The following CDH12 variants were observed in gnomAD, a reference collection of about 807,000 sequenced individuals.
CDH12 encodes cadherin 12, also known as cadherin-12.
In CDH12, 41 loss-of-function variants were observed where a neutral mutation model predicts 74.1. That is an observed-to-expected ratio of 0.55 (90% CI 0.43 to 0.72). CDH12 has a LOEUF of 0.72. Among genes scored for constraint, CDH12 ranks in the 30% least tolerant of loss-of-function variants. The pLI is 0.00. For synonymous variants in CDH12, 399 were observed against 355.0 expected (o/e 1.12, Z -1.39); for missense variants, 945 against 977.2 (o/e 0.97, Z 0.44).
At chr5:21,770,458 T>C (rs1391782638) in intron 11 of CDH12, among the ~76,000 whole-genome samples, 1 of 151,894 alleles carries the variant, frequency 6.6e-6, no homozygotes, top group Non-Finnish European at 1.5e-5. Flanking sequence ...ACCCCATCTC[T>C]ACTAGAAATA....
chr5:22,539,270 T>C (rs934482791), intron 1 of CDH12, among the ~76,000 whole-genome samples: 1 of 152,332 alleles, frequency 6.6e-6, no homozygotes, highest in African/African-American at 2.4e-5. Flanking sequence ...GGAGTCTTTC[T>C]TGACTGTACA....
chr5:21,876,881 C>A (rs190329108), intron 6 of CDH12, among the ~76,000 whole-genome samples: 90 of 152,294 alleles, frequency 5.9e-4, no homozygotes, highest in Non-Finnish European at 1.6e-4. Context: ...GCCCTTTATA[C>A]ATGCTGTTGT....
intron 2 of CDH12, among the ~76,000 whole-genome samples, chr5:22,425,158 T>TATATATATAAAAAA (rs374424944): frequency 6.8e-4 from 90 of 132,436 alleles, no homozygotes; most frequent in Non-Finnish European, 1.1e-3. Context: ...TGTGTGTATA[T>TATATATATAAAAAA]ATATATATAT....
chr5:22,207,211 T>G (rs1358038830), intron 4 of CDH12, among the ~76,000 whole-genome samples: 4 of 124,652 alleles, frequency 3.2e-5, no homozygotes, highest in African/African-American at 6.3e-5. Flanking sequence ...AGAGCAAGAC[T>G]GTCTCAAAAA....
intron 1 of CDH12, among the ~76,000 whole-genome samples, chr5:22,585,138 T>C (rs1740318547): frequency 6.6e-6 from 1 of 152,232 alleles, no homozygotes; most frequent in Non-Finnish European, 1.5e-5. Context: ...TTGTTTTTTC[T>C]GAAAGTAACG....
intron 1 of CDH12, among the ~76,000 whole-genome samples, chr5:22,603,221 C>A: frequency 6.6e-6 from 1 of 151,576 alleles, no homozygotes. Flanking sequence ...ATGGGGTAAT[C>A]AACAAAACAG....
At chr5:22,709,427 A>G (rs937963401) in intron 1 of CDH12, among the ~76,000 whole-genome samples, 1 of 152,052 alleles carries the variant, frequency 6.6e-6, no homozygotes, top group African/African-American at 2.4e-5. Context: ...AGATTTAACA[A>G]CTCATCTGTC....
chr5:22,306,019 C>T (rs1738090543), intron 3 of CDH12, among the ~76,000 whole-genome samples: 1 of 152,058 alleles, frequency 6.6e-6, no homozygotes, highest in Admixed American at 6.6e-5. Context: ...CTTTAAACAC[C>T]TGCTCATCTA....
At chr5:21,835,367 G>GTA (rs111979736) in intron 8 of CDH12, among the ~76,000 whole-genome samples, 2,817 of 148,858 alleles carry the variant, frequency 0.019, 78 homozygotes, top group African/African-American at 0.063. Flanking sequence ...GTATGTGTGT[G>GTA]TATATATATA....
Position 21,761,355 on chromosome 5 carries a change from T to C in CDH12, c.1516-680A>G, listed in dbSNP as rs549112567. On this transcript the variant is annotated intron_variant, in intron 12 of 14. Transcript: ENST00000382254. ...GGAGAATAAAAATAACTTCTGAGAA[T>C]CAACCTGTGAAATTTACAATCCATT... Among the ~76,000 whole-genome samples, 6 of 152,238 alleles carry C rather than the reference T, an allele frequency of 3.9e-5. No individual in the cohort carries two copies. The South Asian group carries it at 1.2e-3, about 32-fold the overall frequency.
At chr5:22,308,494 G>A (rs1323541991) in intron 3 of CDH12, among the ~76,000 whole-genome samples, 1 of 152,074 alleles carries the variant, frequency 6.6e-6, no homozygotes, top group African/African-American at 2.4e-5. Flanking sequence ...CCTCAAGAAT[G>A]AGCATGAGAT....
At chr5:22,463,666 G>C (rs893643905) in intron 2 of CDH12, among the ~76,000 whole-genome samples, 3 of 151,942 alleles carry the variant, frequency 2.0e-5, no homozygotes, top group African/African-American at 7.2e-5. Flanking sequence ...AATATTTAAC[G>C]TTTTTAAACT....
intron 10 of CDH12, among the ~76,000 whole-genome samples, chr5:21,800,732 G>T (rs1747065327): frequency 6.6e-6 from 1 of 152,084 alleles, no homozygotes; most frequent in Non-Finnish European, 1.5e-5. Flanking sequence ...TTGAAGGAGG[G>T]TCCTTGTGGG....
At chr5:22,006,193 T>A (rs1376800213) in intron 5 of CDH12, among the ~76,000 whole-genome samples, 1 of 152,080 alleles carries the variant, frequency 6.6e-6, no homozygotes, top group Non-Finnish European at 1.5e-5. Flanking sequence ...TTTAATTTTT[T>A]TTTTAATATA....
chr5:21,775,044 C>A (rs1745511735), intron 11 of CDH12, among the ~76,000 whole-genome samples: 1 of 152,100 alleles, frequency 6.6e-6, no homozygotes, highest in African/African-American at 2.4e-5. Context: ...AAGAATCTTC[C>A]CTTTAGGAAA....
intron 6 of CDH12, among the ~76,000 whole-genome samples, chr5:21,928,987 C>A (rs994238919): frequency 1.3e-5 from 2 of 151,934 alleles, no homozygotes; most frequent in Admixed American, 1.3e-4. Context: ...GACCATCATA[C>A]AAGACCACCC....
In CDH12 at chr5:22,349,623, CCAAT is replaced by C. The variant is rs564474831; in HGVS notation, c.-333+55630_-333+55633del. On this transcript the variant is annotated intron_variant, in intron 3 of 14. Transcript: ENST00000382254. ...TGTATTCTTTATGTCACACTTCCAA[CCAAT>C]CAATCAATCTTAAGATTGTTTGCTC... Among the ~76,000 whole-genome samples the C allele has an allele frequency of 2.6e-3, 397 of 152,324 alleles. 2 individuals are homozygous for C. The highest frequency in any genetic ancestry group is 8.4e-3 in the African/African-American group (351 of 41,574).
chr5:22,100,463 C>A (rs1475260867), intron 4 of CDH12, among the ~76,000 whole-genome samples: 3 of 152,088 alleles, frequency 2.0e-5, no homozygotes, highest in African/African-American at 7.2e-5. Flanking sequence ...CTGGCAAAAA[C>A]AAGATCACAC....
In CDH12 at chr5:22,480,759, C is replaced by T. The variant is rs187983403; in HGVS notation, c.-428+24511G>A. On this transcript the variant is annotated intron_variant, in intron 2 of 14. Coordinates refer to ENST00000382254, the MANE Select transcript of CDH12 (RefSeq NM_004061.5). ...CCATAGTTTTTTCCATTGCAAATGC[C>T]CAGGTGTCAGGCTAAACAGGCAGAG... is the stretch of plus-strand genomic sequence containing the variant. 4.3e-3 allele frequency among the ~76,000 whole-genome samples: 653 copies of T among 152,130 alleles called. 2 individuals carry two copies. Among genetic ancestry groups the T allele is most frequent in the Non-Finnish European group, 6.6e-3 (447 of 68,004 alleles).
Sources: gnomAD v4.1 joint callset for allele counts (sites outside exome capture counted in the v4.1 genomes callset) on GRCh38, gnomAD v4.1.1 for gene constraint, MANE v1.5 for transcripts, NCBI Gene and HGNC (gene_info 2026-07-23, HGNC 2026-07-21) for gene names.